NHSL2: variants seen among roughly 807,000 people sequenced by gnomAD.
The protein encoded by NHSL2 is NHS-like protein 2.
In NHSL2, 27 loss-of-function variants were observed where a neutral mutation model predicts 53.4. The ratio of observed to expected loss-of-function variants is 0.51; its 90% CI spans 0.37 to 0.70. The LOEUF is 0.70. Ranked by LOEUF, NHSL2 falls within the 30% of genes least tolerant of loss-of-function variation. The pLI is 0.00. For missense variants in NHSL2, 892 were observed against 980.1 expected (o/e 0.91, Z 1.20); for synonymous variants, 408 against 404.1 (o/e 1.01, Z -0.12).
intron 1 of NHSL2, among the ~76,000 whole-genome samples, chrX:72,087,264 C>G (rs1268869796): frequency 1.8e-5 from 2 of 112,607 alleles, no homozygotes; most frequent in African/African-American, 3.2e-5. Context: ...CACAAAAGAA[C>G]AAATATTGTA....
At chrX:72,052,476 C>A (rs372245145) in intron 1 of NHSL2, among the ~76,000 whole-genome samples, 1 of 112,534 alleles carries the variant, frequency 8.9e-6, no homozygotes, top group East Asian at 2.8e-4. Flanking sequence ...TCAGGCCAAC[C>A]GCCCTGGGAG....
intron 1 of NHSL2, among the ~76,000 whole-genome samples, chrX:72,031,731 G>A (rs1438532694): frequency 3.0e-5 from 3 of 100,005 alleles, no homozygotes; most frequent in East Asian, 3.1e-4. Context: ...TTAAGACCTC[G>A]CTTGGAAAAA....
intron 1 of NHSL2, among the ~76,000 whole-genome samples, chrX:71,944,894 A>G (rs1160589373): frequency 1.8e-5 from 2 of 112,431 alleles, no homozygotes; most frequent in Non-Finnish European, 3.7e-5. Context: ...ATATTAGGCT[A>G]CAATACAGCC....
chrX:71,955,091 CT>C (rs1001471071), intron 1 of NHSL2, among the ~76,000 whole-genome samples: 1 of 111,901 alleles, frequency 8.9e-6, no homozygotes, highest in African/African-American at 3.3e-5. Flanking sequence ...TCCTGGCTTT[CT>C]GGCCTCCTTG....
intron 1 of NHSL2, among the ~76,000 whole-genome samples, chrX:72,068,662 G>A (rs1022149836): frequency 3.6e-4 from 15 of 41,151 alleles, no homozygotes; most frequent in Middle Eastern, 0.02. Context: ...GTGTGTGTGC[G>A]TGTGTGTGTG....
At chrX:72,118,003 G>A (rs1218287963) in intron 1 of NHSL2, among the ~76,000 whole-genome samples, 1 of 110,195 alleles carries the variant, frequency 9.1e-6, no homozygotes, top group Non-Finnish European at 1.9e-5. Context: ...GGAAGTGCTG[G>A]GCCAAATGGT....
At chrX:72,013,347 T>C (rs2042123417) in intron 1 of NHSL2, among the ~76,000 whole-genome samples, 1 of 112,022 alleles carries the variant, frequency 8.9e-6, no homozygotes, top group African/African-American at 3.2e-5. Flanking sequence ...ATTGCTAGTA[T>C]ATAGAAATAC....
chrX:72,134,309 C>A, intron 3 of NHSL2, 91 bp downstream of exon 3: 1 of 980,514 alleles, frequency 1.0e-6, no homozygotes, highest in South Asian at 2.4e-5. Context: ...GGAAGCTGCT[C>A]AGCCCTGCTC....
intron 1 of NHSL2, among the ~76,000 whole-genome samples, chrX:71,985,119 G>A (rs747565762): frequency 2.4e-3 from 269 of 111,834 alleles, no homozygotes; most frequent in African/African-American, 7.7e-3. Context: ...CACCGTGCCC[G>A]GCTGATGGAG....
chrX:72,085,705 T>G lies in NHSL2; in HGVS notation c.281-46374T>G, dbSNP rs1417211517. On this transcript the variant is annotated intron_variant, in intron 1 of 7. Coordinates refer to ENST00000633930, the MANE Select transcript of NHSL2 (RefSeq NM_001013627.3). ...TCACTGCTCTAGGAGAAATTCTTTGTTTTTTTTTTGTTTTTTTTTTTTGTG... is the reference window on the plus strand; with the variant it reads ...TCACTGCTCTAGGAGAAATTCTTTGGTTTTTTTTTGTTTTTTTTTTTTGTG... 8.7e-5 allele frequency among the ~76,000 whole-genome samples: 6 copies of G among 68,711 alleles called. 1 individual carries two copies. Among genetic ancestry groups the G allele is most frequent in the Admixed American group, 4.8e-4 (3 of 6,223 alleles). The allele number at this position is 68,711 out of a possible 115,157, so 59.7% of individuals were successfully genotyped here. A position where few individuals can be genotyped will look rare whatever the true frequency, so the allele number is the denominator to read the frequency against.
chrX:71,914,570 C>T (rs2041619269), intron 1 of NHSL2, among the ~76,000 whole-genome samples: 2 of 112,130 alleles, frequency 1.8e-5, no homozygotes, highest in African/African-American at 6.5e-5. Context: ...GGCTTGAATA[C>T]AGCCAGTTGG....
intron 1 of NHSL2, among the ~76,000 whole-genome samples, chrX:71,921,609 C>T (rs900291157): frequency 9.0e-6 from 1 of 111,621 alleles, no homozygotes; most frequent in Non-Finnish European, 1.9e-5. Context: ...TGTTTTCTTA[C>T]GTCACCGCCA....
intron 1 of NHSL2, among the ~76,000 whole-genome samples, chrX:72,008,140 T>C (rs2042101885): frequency 8.9e-6 from 1 of 112,992 alleles, no homozygotes; most frequent in African/African-American, 3.2e-5. Flanking sequence ...TGCATATGAT[T>C]GACAGTTGCC....
intron 1 of NHSL2, among the ~76,000 whole-genome samples, chrX:72,006,784 ATCT>A (rs2042096281): frequency 8.9e-6 from 1 of 112,367 alleles, no homozygotes; most frequent in South Asian, 3.7e-4. Flanking sequence ...ACCTCAAGAG[ATCT>A]TCTCACCTTG....
rs1156709907 is a variant in NHSL2 at position 72,149,813 on chromosome X, T to G, written c.*6239T>G. 1 of 112,336 alleles carries G rather than the reference T, an allele frequency of 8.9e-6. No homozygotes were observed. Among genetic ancestry groups the G allele is most frequent in the Non-Finnish European group, 1.9e-5 (1 of 53,318 alleles). The allele number at this position is 112,336 out of a possible 1,213,427, so 9.3% of individuals were successfully genotyped here. ...TGTATTTATCTTATTTCTATATTTA[T>G]CTGCAGTCTTGGAATGTTAGAGCTG... On this transcript the variant is annotated 3_prime_UTR_variant, in exon 8 of 8. Transcript: ENST00000633930.
At chrX:71,976,630 A>G (rs2041949501) in intron 1 of NHSL2, among the ~76,000 whole-genome samples, 2 of 111,790 alleles carry the variant, frequency 1.8e-5, no homozygotes, top group Admixed American at 1.9e-4. Flanking sequence ...CATCCCCCGC[A>G]GTAACCTGTG....
At position 72,140,495 on chromosome X, in the gene NHSL2, G is replaced by T; in HGVS notation, c.2947G>T (p.Glu983Ter). The T allele has an allele frequency of 8.3e-7, 1 of 1,210,609 alleles. No individual in the cohort carries two copies. The highest frequency in any genetic ancestry group is 1.8e-5 in the South Asian group (1 of 56,667). The change falls in exon 6 of 8, where the codon GAA becomes TAA. Residue 983 changes from glutamate to a stop codon, truncating the protein, a stop_gained. Transcript: ENST00000633930. LOFTEE classifies it high-confidence loss of function. The part of the protein sequence containing the change: ...DEGPKVRVLP[E>*]RISLQSQEEA... ...GGGCCCCAAGGTGAGGGTTCTGCCT[G>T]AAAGAATTAGCCTCCAGAGCCAGGA...
intron 1 of NHSL2, among the ~76,000 whole-genome samples, chrX:71,912,244 A>G (rs1285757559): frequency 8.9e-6 from 1 of 112,003 alleles, no homozygotes; most frequent in African/African-American, 3.2e-5. Flanking sequence ...AGCACTTTAC[A>G]CGGGGAATCC....
At chrX:72,022,537 A>G (rs1474591575) in intron 1 of NHSL2, among the ~76,000 whole-genome samples, 1 of 110,991 alleles carries the variant, frequency 9.0e-6, no homozygotes, top group African/African-American at 3.3e-5. Context: ...CTCACTTGGC[A>G]GAGAACAGAG....
Sources: gnomAD v4.1 joint callset for allele counts (sites outside exome capture counted in the v4.1 genomes callset) on GRCh38, gnomAD v4.1.1 for gene constraint, MANE v1.5 for transcripts, NCBI Gene and HGNC (gene_info 2026-07-23, HGNC 2026-07-21) for gene names.